EPHA6: variants seen among roughly 807,000 people sequenced by gnomAD.
EPHA6 encodes EPH receptor A6, also known as ephrin type-A receptor 6.
Under a neutral mutation model 112.0 loss-of-function variants are expected in EPHA6, and 50 were observed. That is an observed-to-expected ratio of 0.45 (90% CI 0.36 to 0.56). The LOEUF is 0.56. Ranked by LOEUF, EPHA6 falls within the 20% of genes least tolerant of loss-of-function variation. The probability of loss-of-function intolerance (pLI) is 0.00; values close to 1 mark genes in which losing one functional copy is unlikely to be tolerated. For missense variants in EPHA6, 1,280 were observed against 1,417.4 expected (o/e 0.90, Z 1.56); for synonymous variants, 529 against 490.7 (o/e 1.08, Z -1.03).
chr3:97,219,893 C>G lies in EPHA6; in HGVS notation c.1115-6371C>G, dbSNP rs147438363. On this transcript the variant is annotated intron_variant, in intron 3 of 17. Transcript: ENST00000389672. ...TTTAAACGTAAGTTCTAATTTCAAA[C>G]CATCTCTTTGTGAATGTATAAAACT... 1.8e-3 allele frequency among the ~76,000 whole-genome samples: 277 copies of G among 152,288 alleles called. 4 individuals carry two copies. The East Asian group carries it at 0.039, about 22-fold the overall frequency.
chr3:97,537,640 A>G (rs1251604381), intron 11 of EPHA6, among the ~76,000 whole-genome samples: 1 of 152,122 alleles, frequency 6.6e-6, no homozygotes, highest in Non-Finnish European at 1.5e-5. Context: ...GTGCAGTGGC[A>G]CGATCTTGAC....
chr3:97,599,435 A>ACT (rs1463541352), intron 12 of EPHA6, among the ~76,000 whole-genome samples: 8 of 140,724 alleles, frequency 5.7e-5, no homozygotes, highest in Non-Finnish European at 9.3e-5. Flanking sequence ...TCTTGAATTG[A>ACT]TTTTTGTATA....
intron 5 of EPHA6, among the ~76,000 whole-genome samples, chr3:97,268,313 C>A (rs2108635028): frequency 6.6e-6 from 1 of 152,256 alleles, no homozygotes; most frequent in Middle Eastern, 3.4e-3. Context: ...GCTGGAAGAT[C>A]AAGTTTGGTG....
chr3:97,316,125 G>A lies in EPHA6; in HGVS notation c.1606+71838G>A, dbSNP rs562060788. On this transcript the variant is annotated intron_variant, in intron 5 of 17. Coordinates refer to ENST00000389672, the MANE Select transcript of EPHA6 (RefSeq NM_001080448.3). ...AATGATTTTAAAATGAAATAATAAT[G>A]CAACAATTGACTAAGTTTTATCAAA... Among the ~76,000 whole-genome samples, 46 of 151,822 alleles carry A rather than the reference G, an allele frequency of 3.0e-4. No individual in the cohort carries two copies. In the East Asian group the frequency reaches 6.4e-3, roughly 21 times the overall value.
intron 3 of EPHA6, among the ~76,000 whole-genome samples, chr3:97,153,607 A>T (rs903810473): frequency 2.6e-5 from 4 of 152,170 alleles, no homozygotes; most frequent in African/African-American, 9.6e-5. Flanking sequence ...AGCTCCAGGG[A>T]CTAAAAAAAC....
At chr3:97,366,730 G>A (rs2084753224) in intron 5 of EPHA6, among the ~76,000 whole-genome samples, 1 of 151,862 alleles carries the variant, frequency 6.6e-6, no homozygotes, top group African/African-American at 2.4e-5. Flanking sequence ...AAAAAACAAA[G>A]CAATTGATTA....
At chr3:96,865,016 A>G (rs2107446929) in intron 1 of EPHA6, among the ~76,000 whole-genome samples, 1 of 152,218 alleles carries the variant, frequency 6.6e-6, no homozygotes, top group East Asian at 1.9e-4. Context: ...AAAAATGTAT[A>G]CAAGAAACAA....
At chr3:97,396,990 CGTA>C (rs971025111) in intron 5 of EPHA6, among the ~76,000 whole-genome samples, 18 of 151,508 alleles carry the variant, frequency 1.2e-4, no homozygotes, top group South Asian at 6.2e-4. Flanking sequence ...CTATTGGAAA[CGTA>C]GTCATCAGAA....
chr3:96,955,285 G>GT (rs1172556513), intron 2 of EPHA6, among the ~76,000 whole-genome samples: 6 of 152,036 alleles, frequency 3.9e-5, no homozygotes, highest in African/African-American at 9.7e-5. Context: ...CATTAATGGT[G>GT]TTTTTTGTCT....
At chr3:97,487,330 A>G (rs2091721421) in intron 10 of EPHA6, among the ~76,000 whole-genome samples, 1 of 152,260 alleles carries the variant, frequency 6.6e-6, no homozygotes, top group Non-Finnish European at 1.5e-5. Context: ...GAGTTATCAG[A>G]AATAAATGTA....
intron 1 of EPHA6, among the ~76,000 whole-genome samples, chr3:96,824,545 TGAAA>T (rs2033514648): frequency 6.6e-6 from 1 of 151,970 alleles, no homozygotes. Flanking sequence ...AATTTTTAAA[TGAAA>T]TATTTTGACA....
intron 3 of EPHA6, among the ~76,000 whole-genome samples, chr3:97,077,511 G>A (rs1186080685): frequency 6.6e-6 from 1 of 152,004 alleles, no homozygotes; most frequent in Admixed American, 6.6e-5. Context: ...TTTACATTAG[G>A]TATTTCTCCC....
chr3:97,628,020 C>G lies in EPHA6; in HGVS notation c.2575-9853C>G, dbSNP rs190745052. Among the ~76,000 whole-genome samples the G allele has an allele frequency of 1.4e-3, 207 of 152,026 alleles. 1 individual carries two copies. The highest frequency in any genetic ancestry group is 2.1e-3 in the Non-Finnish European group (142 of 67,922). On this transcript the variant is annotated intron_variant, in intron 13 of 17. Transcript: ENST00000389672. ...ACTCTTCTCTGAGTAATATGGGAAG[C>G]CACTGTAGTCTTTGGAATAGAGGCA...
At chr3:97,534,747 C>T (rs2092740485) in intron 11 of EPHA6, among the ~76,000 whole-genome samples, 1 of 151,954 alleles carries the variant, frequency 6.6e-6, no homozygotes, top group African/African-American at 2.4e-5. Context: ...TATTTTCTGA[C>T]TTCCTTGTTA....
intron 5 of EPHA6, among the ~76,000 whole-genome samples, chr3:97,315,024 CACTT>C (rs2081751107): frequency 6.6e-6 from 1 of 150,612 alleles, no homozygotes. Context: ...TCTGGTTGAA[CACTT>C]ACTGTAGTAG....
intron 5 of EPHA6, among the ~76,000 whole-genome samples, chr3:97,331,734 G>A (rs2082808731): frequency 6.6e-6 from 1 of 152,152 alleles, no homozygotes; most frequent in African/African-American, 2.4e-5. Flanking sequence ...AACAGGATCT[G>A]AAATTGAGGC....
chr3:97,490,957 T>C (rs2091823516), intron 10 of EPHA6, among the ~76,000 whole-genome samples: 1 of 152,138 alleles, frequency 6.6e-6, no homozygotes, highest in South Asian at 2.1e-4. Flanking sequence ...GCACAGACAG[T>C]TTTAATTCCT....
intron 7 of EPHA6, 40 bp downstream of exon 7, chr3:97,448,770 A>AAGAT (rs762596078): frequency 7.5e-6 from 12 of 1,598,786 alleles, no homozygotes; most frequent in African/African-American, 4.0e-5. Flanking sequence ...ATGTGAATTT[A>AAGAT]GTATCATTCC....
intron 11 of EPHA6, among the ~76,000 whole-genome samples, chr3:97,553,373 G>T (rs1472515134): frequency 6.6e-6 from 1 of 151,982 alleles, no homozygotes; most frequent in Non-Finnish European, 1.5e-5. Flanking sequence ...ATCTAAAGTA[G>T]CCCTCCCCAA....
Sources: allele counts gnomAD v4.1 joint callset (sites outside exome capture counted in the v4.1 genomes callset), GRCh38; gene constraint gnomAD v4.1.1; transcripts MANE v1.5; gene names NCBI Gene and HGNC (gene_info 2026-07-23, HGNC 2026-07-21).